ADAM11: variants seen among roughly 807,000 people sequenced by gnomAD.
The protein encoded by ADAM11 is disintegrin and metalloproteinase domain-containing protein 11.
Under a neutral mutation model 119.1 loss-of-function variants are expected in ADAM11, and 49 were observed. The ratio of observed to expected loss-of-function variants is 0.41; its 90% CI spans 0.33 to 0.52. The LOEUF is 0.52. Ranked by LOEUF, ADAM11 falls within the 20% of genes least tolerant of loss-of-function variation. The pLI, the probability that ADAM11 is intolerant of heterozygous loss-of-function variation, is 0.20. For missense variants in ADAM11, 777 were observed against 1,047.5 expected (o/e 0.74, Z 3.56); for synonymous variants, 364 against 408.0 (o/e 0.89, Z 1.30).
intron 5 of ADAM11, 42 bp from the exon 6 acceptor site, chr17:44,771,714 C>CA: frequency 1.2e-6 from 2 of 1,613,408 alleles, no homozygotes; most frequent in Non-Finnish European, 1.7e-6. Flanking sequence ...GCCTCTGGCC[C>CA]AGGCCTGGGG....
At chr17:44,762,193 CCAAAGT>C (rs2049397852) in intron 2 of ADAM11, among the ~76,000 whole-genome samples, 1 of 152,138 alleles carries the variant, frequency 6.6e-6, no homozygotes, top group African/African-American at 2.4e-5. Context: ...CGTAAATTGC[CCAAAGT>C]CAATCAGATC....
rs1209094185 is a variant in ADAM11 at position 44,775,702 on chromosome 17, G to C, written c.1485+26G>C. ...GTAAGCAGGACCGGCCGGGAGGCGG[G>C]GCCAGGACGCAGGAGGAGCGATTGG... On this transcript the variant is annotated intron_variant, in intron 17 of 26. Transcript: ENST00000200557. The surrounding 1 kb of genome is among the most constrained non-coding windows in gnomAD (Gnocchi z 7.5). 1 of 1,554,426 alleles carries C rather than the reference G, an allele frequency of 6.4e-7. No homozygotes were observed. The highest frequency in any genetic ancestry group is 8.7e-7 in the Non-Finnish European group (1 of 1,153,552).
At chr17:44,759,510 G>T (rs907380553) in intron 1 of ADAM11, 24 of 1,242,016 alleles carry the variant, frequency 1.9e-5, no homozygotes, top group Admixed American at 8.4e-5. Flanking sequence ...TTGGGCGGAT[G>T]GGGGGGCAGT....
chr17:44,759,564 G>A (rs2049363692), intron 1 of ADAM11, 158 bp from the exon 2 acceptor site: 14 of 1,275,470 alleles, frequency 1.1e-5, no homozygotes, highest in Admixed American at 3.6e-5. Context: ...CCCTCCCCGC[G>A]GGCTCTTGCC....
At chr17:44,769,938 C>T in intron 3 of ADAM11, 44 bp from the exon 4 acceptor site, 1 of 1,612,694 alleles carries the variant, frequency 6.2e-7, no homozygotes, top group Middle Eastern at 1.7e-4. Context: ...AGCCCGACCT[C>T]ACCTCGCCCG....
chr17:44,774,880 C>A, intron 14 of ADAM11, 131 bp downstream of exon 14: 1 of 1,180,702 alleles, frequency 8.5e-7, no homozygotes, highest in South Asian at 1.6e-5. Context: ...CCAAGAAGCC[C>A]AGTTTTCCGC....
intron 2 of ADAM11, among the ~76,000 whole-genome samples, chr17:44,767,354 CAA>C (rs72428475): frequency 1.1e-3 from 61 of 56,918 alleles, no homozygotes; most frequent in African/African-American, 3.8e-3. Flanking sequence ...GACTCCATCT[CAA>C]AAAAAAAAAA....
In ADAM11 at chr17:44,775,100, G is replaced by A. The variant is rs1187482470; in HGVS notation, c.1221-112G>A. Reference sequence around the variant, plus strand: ...GGTGCAATCCCGGGGCAGATCCTCCGCCTCCTCGCGATGGTGACGAAGTCC... The same window carrying A: ...GGTGCAATCCCGGGGCAGATCCTCCACCTCCTCGCGATGGTGACGAAGTCC... On this transcript the variant is annotated intron_variant, in intron 14 of 26. Coordinates refer to ENST00000200557, the MANE Select transcript of ADAM11 (RefSeq NM_002390.6). The surrounding 1 kb of genome is among the most constrained non-coding windows in gnomAD (Gnocchi z 7.5). The A allele has an allele frequency of 1.1e-6, 1 of 929,930 alleles. No homozygotes were observed. The highest frequency in any genetic ancestry group is 1.9e-5 in the Admixed American group (1 of 52,114). The allele number at this position is 929,930 out of a possible 1,614,324, so 57.6% of individuals were successfully genotyped here. A position where few individuals can be genotyped will look rare whatever the true frequency, so the allele number is the denominator to read the frequency against.
At position 44,772,766 on chromosome 17, in the gene ADAM11, C is replaced by A. The variant is rs1373166005; in HGVS notation, c.679-91C>A. ...CACTGTCCCTGGCTGGAGTCCAGAC[C>A]CCCCCATCCCCACCGAGTCTGTTCC... On this transcript the variant is annotated intron_variant, in intron 8 of 26. Coordinates refer to ENST00000200557, the MANE Select transcript of ADAM11 (RefSeq NM_002390.6). The surrounding 1 kb of genome is among the most constrained non-coding windows in gnomAD (Gnocchi z 4.5). 1.4e-5 allele frequency: 16 copies of A among 1,174,844 alleles called. No homozygotes were observed. The highest frequency in any genetic ancestry group is 2.0e-4 in the Middle Eastern group (1 of 5,084). The allele number at this position is 1,174,844 out of a possible 1,614,324, so 72.8% of individuals were successfully genotyped here.
At chr17:44,762,035 G>C (rs2049395460) in intron 2 of ADAM11, among the ~76,000 whole-genome samples, 1 of 152,092 alleles carries the variant, frequency 6.6e-6, no homozygotes, top group South Asian at 2.1e-4. Context: ...TGTTGCTCAG[G>C]CTGGTCTCGA....
At position 44,777,301 on chromosome 17, in the gene ADAM11, C is replaced by T. The variant is rs764863738; in HGVS notation, c.1781+36C>T. On this transcript the variant is annotated intron_variant, in intron 21 of 26. Transcript: ENST00000200557. The surrounding 1 kb of genome is among the most constrained non-coding windows in gnomAD (Gnocchi z 5.1). ...AGGCTCCCAGAGGGCCTCTCAGCTC[C>T]AGGGCAGGTGTGAGACTTTTCAGAG... 6 of 1,575,626 alleles carry T rather than the reference C, an allele frequency of 3.8e-6. No homozygotes were observed. The African/African-American group carries it at 8.1e-5, about 21-fold the overall frequency.
chr17:44,775,483 C>A lies in ADAM11; in HGVS notation c.1392+18C>A. On this transcript the variant is annotated intron_variant, in intron 16 of 26. Transcript: ENST00000200557. This position sits in a 1 kb window ranked among gnomAD's most constrained non-coding sequence, Gnocchi z 7.5. ...CGGTGCAGGTGAGCGGTGGTGCGGG[C>A]GCCAGGTGGGGAACCGGGATGCGGG... 6.2e-7 allele frequency: 1 copy of A among 1,601,168 alleles called. No homozygotes were observed. The highest frequency in any genetic ancestry group is 8.5e-7 in the Non-Finnish European group (1 of 1,176,896).
intron 2 of ADAM11, among the ~76,000 whole-genome samples, chr17:44,768,423 A>T (rs2049478050): frequency 6.6e-6 from 1 of 152,118 alleles, no homozygotes; most frequent in African/African-American, 2.4e-5. Context: ...CCTCTCATGG[A>T]CACTGGGCCC....
chr17:44,765,177 C>T (rs2049431852), intron 2 of ADAM11, among the ~76,000 whole-genome samples: 1 of 148,938 alleles, frequency 6.7e-6, no homozygotes, highest in Non-Finnish European at 1.5e-5. Flanking sequence ...ATAAATGGAG[C>T]ACCCAACACA....
chr17:44,777,378 A>G lies in ADAM11; in HGVS notation c.1782-104A>G. The G allele has an allele frequency of 2.0e-6, 3 of 1,523,810 alleles. No individual in the cohort carries two copies. In the East Asian group the frequency reaches 6.8e-5, roughly 34 times the overall value. 94.4% of individuals were successfully genotyped at this position (1,523,810 alleles called of 1,614,324 possible). Reference sequence around the variant, plus strand: ...AGCCTGTCAGTCCCAATGGGCGGGCACGTGGCAAATGAGGTGGCAGGGTGC... The same window carrying G: ...AGCCTGTCAGTCCCAATGGGCGGGCGCGTGGCAAATGAGGTGGCAGGGTGC... On this transcript the variant is annotated intron_variant, in intron 21 of 26. Coordinates refer to ENST00000200557, the MANE Select transcript of ADAM11 (RefSeq NM_002390.6). This position sits in a 1 kb window ranked among gnomAD's most constrained non-coding sequence, Gnocchi z 5.1.
chr17:44,771,278 C>T (rs372659225), intron 4 of ADAM11, among the ~76,000 whole-genome samples: 2 of 143,438 alleles, frequency 1.4e-5, no homozygotes, highest in African/African-American at 5.2e-5. Context: ...CCAGCTTGAG[C>T]GACAGCAAGA....
In ADAM11 at chr17:44,759,824, G is replaced by C. The variant is rs1223786473; in HGVS notation, c.164G>C (p.Arg55Thr). The C allele has an allele frequency of 1.5e-6, 2 of 1,316,766 alleles. No individual in the cohort carries two copies. Among genetic ancestry groups the C allele is most frequent in the East Asian group, 5.6e-5 (2 of 35,730 alleles). 81.6% of individuals were successfully genotyped at this position (1,316,766 alleles called of 1,614,324 possible). Residue 55 changes from arginine (R) to threonine (T), a missense_variant, in exon 2 of 27, where the codon AGG becomes ACG. Coordinates refer to ENST00000200557, the MANE Select transcript of ADAM11 (RefSeq NM_002390.6). ...PEVTEPSRLV[R>T]ESSGGEVRKQ... ...GTCACGGAACCCAGCCGTCTGGTTA[G>C]GGAGAGCTCCGGGGGAGAGGTCCGA...
chr17:44,776,761 AC>A lies in ADAM11; in HGVS notation c.1584del (p.His528GlnfsTer44), dbSNP rs2049607466. ...GDSSQCPPNL[H>X]KLDGYYCDHE... is the part of the protein sequence containing the mutation. ...TCTCCACAGTGCCCGCCTAACCTGC[AC>A]AAGCTGGACGGTTACTACTGTGACC... On this transcript the variant is annotated frameshift_variant, in exon 19 of 27. Transcript: ENST00000200557. LOFTEE classifies it high-confidence loss of function. The surrounding 1 kb of genome is among the most constrained non-coding windows in gnomAD (Gnocchi z 5.2). 1 of 1,613,866 alleles carries A rather than the reference AC, an allele frequency of 6.2e-7. No individual in the cohort carries two copies. The highest frequency in any genetic ancestry group is 2.2e-5 in the East Asian group (1 of 44,882).
chr17:44,770,246 T>C (rs1446487100), intron 4 of ADAM11, among the ~76,000 whole-genome samples, 198 bp downstream of exon 4: 1 of 151,878 alleles, frequency 6.6e-6, no homozygotes, highest in East Asian at 1.9e-4. Flanking sequence ...GGCCCTGAAG[T>C]CCCCTCACTT....
Sources: allele counts gnomAD v4.1 joint callset (sites outside exome capture counted in the v4.1 genomes callset), GRCh38; gene constraint gnomAD v4.1.1; non-coding constraint Gnocchi (gnomAD v3.1); transcripts MANE v1.5; gene names NCBI Gene and HGNC (gene_info 2026-07-23, HGNC 2026-07-21).